The following CACNA1B variants were observed in gnomAD, a reference collection of about 807,000 sequenced individuals.
CACNA1B encodes voltage-dependent N-type calcium channel subunit alpha-1B.
Under a neutral mutation model 247.2 loss-of-function variants are expected in CACNA1B, and 70 were observed. That is an observed-to-expected ratio of 0.28 (90% CI 0.23 to 0.35). CACNA1B has a LOEUF of 0.35. Among genes scored for constraint, CACNA1B ranks in the 10% least tolerant of loss-of-function variants. The pLI is 1.00. For synonymous variants in CACNA1B, 1,231 were observed against 1,294.4 expected, an observed-to-expected ratio of 0.95 and a Z score of 1.05; for missense variants, 2,367 against 3,197.4, an observed-to-expected ratio of 0.74 and a Z score of 6.26.
chr9:138,098,942 G>A (rs900537799), intron 37 of CACNA1B, among the ~76,000 whole-genome samples: 1 of 152,236 alleles, frequency 6.6e-6, no homozygotes, highest in Non-Finnish European at 1.5e-5. Flanking sequence ...TGAGCAGATT[G>A]GGCCTGGATC....
rs758352572 is a variant in CACNA1B at position 138,051,157 on chromosome 9, C to G, written c.3711-935C>G. Among the ~76,000 whole-genome samples, 1 of 152,056 alleles carries G rather than the reference C, an allele frequency of 6.6e-6. No homozygotes were observed. Among genetic ancestry groups the G allele is most frequent in the East Asian group, 1.9e-4 (1 of 5,168 alleles). On this transcript the variant is annotated intron_variant, in intron 24 of 46. Coordinates refer to ENST00000371372, the MANE Select transcript of CACNA1B (RefSeq NM_000718.4). The surrounding 1 kb of genome is among the most constrained non-coding windows in gnomAD (Gnocchi z 4.3). ...TGGCTTTGCTTCTGAGAACGGGGGC[C>G]GCCTTAGGAGGAAATCTCTCCTAGA...
intron 6 of CACNA1B, among the ~76,000 whole-genome samples, chr9:137,943,555 A>G (rs1957758670): frequency 6.6e-6 from 1 of 151,958 alleles, no homozygotes; most frequent in African/African-American, 2.4e-5. Context: ...CAGTAAAGGT[A>G]TCTGTAACCT....
chr9:137,879,460 C>T (rs1218641041), intron 2 of CACNA1B, among the ~76,000 whole-genome samples: 1 of 152,222 alleles, frequency 6.6e-6, no homozygotes, highest in Admixed American at 6.5e-5. Context: ...ATCCAGAAAA[C>T]CATGTTCTAA....
At chr9:137,948,922 C>G (rs930900166) in intron 6 of CACNA1B, among the ~76,000 whole-genome samples, 6 of 106,650 alleles carry the variant, frequency 5.6e-5, no homozygotes, top group Non-Finnish European at 1.2e-4. Context: ...TTTGTGGTGT[C>G]TCTGTGGTGT....
intron 20 of CACNA1B, among the ~76,000 whole-genome samples, chr9:138,043,203 G>A (rs189562426): frequency 1.3e-5 from 2 of 152,300 alleles, no homozygotes; most frequent in East Asian, 1.9e-4. Context: ...AGGAGGCGAC[G>A]AGTCGGGGCC....
chr9:138,067,330 T>C (rs191292460), intron 31 of CACNA1B, among the ~76,000 whole-genome samples: 12 of 152,330 alleles, frequency 7.9e-5, no homozygotes, highest in African/African-American at 2.9e-4. Flanking sequence ...CTTAAACAGA[T>C]TTTTCTAGAG....
At position 138,007,264 on chromosome 9, in the gene CACNA1B, C is replaced by T. The variant is rs745584726; in HGVS notation, c.2092+380C>T. ...CACTGGGCTTTAAAAAGGAGCCCTT[C>T]CCCCTGCTGATACCATCCCCTTTGC... On this transcript the variant is annotated intron_variant, in intron 16 of 46. Transcript: ENST00000371372. The surrounding 1 kb of genome is among the most constrained non-coding windows in gnomAD (Gnocchi z 4.1). Among the ~76,000 whole-genome samples the T allele has an allele frequency of 6.6e-6, 1 of 152,176 alleles. No individual in the cohort carries two copies. Among genetic ancestry groups the T allele is most frequent in the Non-Finnish European group, 1.5e-5 (1 of 68,040 alleles).
intron 32 of CACNA1B, among the ~76,000 whole-genome samples, chr9:138,070,577 A>G (rs1332219993): frequency 1.3e-5 from 2 of 152,244 alleles, no homozygotes; most frequent in Admixed American, 6.5e-5. Context: ...AGTAGAAGAT[A>G]TTTGAGAGTC....
At chr9:138,107,195 C>T (rs1033772986) in intron 39 of CACNA1B, among the ~76,000 whole-genome samples, 2 of 151,670 alleles carry the variant, frequency 1.3e-5, no homozygotes, top group Non-Finnish European at 2.9e-5. Flanking sequence ...AATGCTTAAG[C>T]CGAAACCTTA....
chr9:138,071,085 G>C (rs532147221), intron 32 of CACNA1B, among the ~76,000 whole-genome samples: 2 of 152,212 alleles, frequency 1.3e-5, no homozygotes, highest in Non-Finnish European at 2.9e-5. Context: ...GTCATGGCAC[G>C]GTGTCCTGCA....
chr9:138,075,717 G>T (rs747425744), intron 34 of CACNA1B, 102 bp from the exon 35 acceptor site: 2 of 720,406 alleles, frequency 2.8e-6, no homozygotes, highest in Non-Finnish European at 4.9e-6. Flanking sequence ...CCCATCTCAC[G>T]TGGGGTCCTT....
chr9:137,943,295 G>T (rs1957754758), intron 6 of CACNA1B, among the ~76,000 whole-genome samples: 1 of 152,142 alleles, frequency 6.6e-6, no homozygotes, highest in African/African-American at 2.4e-5. Context: ...ACATAGCTTA[G>T]CTAACACCCA....
intron 6 of CACNA1B, among the ~76,000 whole-genome samples, chr9:137,949,917 CACA>C (rs1957860043): frequency 1.3e-5 from 2 of 152,182 alleles, no homozygotes; most frequent in African/African-American, 2.4e-5. Flanking sequence ...GCTAAGTTGA[CACA>C]ACATTAACCA....
Position 137,929,931 on chromosome 9 carries a change from C to T in CACNA1B, c.966+12500C>T, listed in dbSNP as rs1266129887. 4.6e-5 allele frequency among the ~76,000 whole-genome samples: 7 copies of T among 152,086 alleles called. No individual in the cohort carries two copies. In the East Asian group the frequency reaches 5.8e-4, roughly 13 times the overall value. On this transcript the variant is annotated intron_variant, in intron 6 of 46. Coordinates refer to ENST00000371372, the MANE Select transcript of CACNA1B (RefSeq NM_000718.4). The stretch of plus-strand genomic sequence containing the variant: ...AGCCTCCGAAGTAGCAAGGACCACA[C>T]GCGCATGCTACCATGCCTGGCTAAG...
intron 10 of CACNA1B, among the ~76,000 whole-genome samples, chr9:137,965,668 G>A (rs563935704): frequency 2.0e-3 from 304 of 152,028 alleles, no homozygotes; most frequent in Non-Finnish European, 2.9e-3. Context: ...GCATGATCTC[G>A]GCTCATTGCA....
intron 22 of CACNA1B, 65 bp downstream of exon 22, chr9:138,047,098 G>A: frequency 6.8e-7 from 1 of 1,473,036 alleles, no homozygotes; most frequent in Admixed American, 2.0e-5. Context: ...CCTTCCCAGG[G>A]GCCCAAGGGG....
At chr9:138,115,137 C>T (rs982999331) in intron 41 of CACNA1B, among the ~76,000 whole-genome samples, 2 of 152,162 alleles carry the variant, frequency 1.3e-5, no homozygotes, top group Non-Finnish European at 2.9e-5. Context: ...CTTCCCCAGC[C>T]CTGAAATCTC....
At position 137,986,380 on chromosome 9, in the gene CACNA1B, G is replaced by A; in HGVS notation, c.1770-33G>A. 6.2e-7 allele frequency: 1 copy of A among 1,611,556 alleles called. No homozygotes were observed. Among genetic ancestry groups the A allele is most frequent in the Non-Finnish European group, 8.5e-7 (1 of 1,178,924 alleles). On this transcript the variant is annotated intron_variant, in intron 13 of 46. Coordinates refer to ENST00000371372, the MANE Select transcript of CACNA1B (RefSeq NM_000718.4). The surrounding 1 kb of genome is among the most constrained non-coding windows in gnomAD (Gnocchi z 6.0). ...GCCATGAATGTGAAGTCAGCGTCTG[G>A]AGCTGGCTCAGACCCCCTGCCTGGC... is the stretch of plus-strand genomic sequence containing the variant.
chr9:137,955,810 G>C lies in CACNA1B; in HGVS notation c.1183G>C (p.Ala395Pro). 1 of 1,591,026 alleles carries C rather than the reference G, an allele frequency of 6.3e-7. No homozygotes were observed. The highest frequency in any genetic ancestry group is 8.6e-7 in the Non-Finnish European group (1 of 1,164,232). Residue 395 changes from alanine (A) to proline (P), a missense_variant, in exon 8 of 47, where the codon GCG becomes CCG. By Grantham distance (27) the Ala-to-Pro change is conservative (BLOSUM62 -1). Around this residue, in one of 12 missense-constraint regions of CACNA1B, gnomAD observed 219 missense variants for 297.6 expected, o/e 0.74. Transcript: ENST00000371372. The surrounding 1 kb of genome is among the most constrained non-coding windows in gnomAD (Gnocchi z 6.9). ...LNGYLEWIFK[A>P]EEVMLAEEDR... is the part of the protein sequence containing the mutation. ...CGGGTACCTGGAGTGGATCTTCAAG[G>C]CGGGTGAGGGCCCGTGGGAGCCACT...
Sources: allele counts gnomAD v4.1 joint callset (sites outside exome capture counted in the v4.1 genomes callset), GRCh38; gene constraint gnomAD v4.1.1; regional missense constraint gnomAD v4.1.1; non-coding constraint Gnocchi (gnomAD v3.1); transcripts MANE v1.5; gene names NCBI Gene and HGNC (gene_info 2026-07-23, HGNC 2026-07-21).